The following NLGN4X variants were observed in gnomAD, a reference collection of about 807,000 sequenced individuals.
The protein encoded by NLGN4X is neuroligin-4, X-linked.
A neutral mutation model predicts 40.3 loss-of-function variants in NLGN4X; 3 were observed. That is an observed-to-expected ratio of 0.07 (90% CI 0.03 to 0.19). NLGN4X has a LOEUF of 0.19. Among genes scored for constraint, NLGN4X ranks in the 10% least tolerant of loss-of-function variants. The pLI is 1.00. For synonymous variants in NLGN4X, 270 were observed against 306.8 expected, an observed-to-expected ratio of 0.88 and a Z score of 1.25; for missense variants, 382 against 708.3, an observed-to-expected ratio of 0.54 and a Z score of 5.23.
intron 3 of NLGN4X, among the ~76,000 whole-genome samples, chrX:5,914,618 G>GTATA (rs10616173): frequency 9.8e-6 from 1 of 102,478 alleles, no homozygotes; most frequent in Admixed American, 1.1e-4. Context: ...ATATATGTAT[G>GTATA]TATATATATA....
At chrX:5,968,733 A>G (rs763832754) in intron 3 of NLGN4X, among the ~76,000 whole-genome samples, 9 of 108,038 alleles carry the variant, frequency 8.3e-5, no homozygotes, top group African/African-American at 3.0e-4. Context: ...TTGACTTAAC[A>G]GAATTGCCCC....
intron 2 of NLGN4X, among the ~76,000 whole-genome samples, chrX:6,104,888 C>T (rs1385757669): frequency 3.6e-5 from 4 of 110,659 alleles, no homozygotes; most frequent in Non-Finnish European, 5.7e-5. Flanking sequence ...CAAGTTGAAC[C>T]AAACAGATCC....
At position 5,962,692 on chromosome X, in the gene NLGN4X, T is replaced by C. The variant is rs971858782; in HGVS notation, c.626-53453A>G. Among the ~76,000 whole-genome samples, 17 of 111,569 alleles carry C rather than the reference T, an allele frequency of 1.5e-4. No individual in the cohort carries two copies. In the Admixed American group the frequency reaches 1.6e-3, roughly 11 times the overall value. On this transcript the variant is annotated intron_variant, in intron 3 of 5. Coordinates refer to ENST00000381095, the MANE Select transcript of NLGN4X (RefSeq NM_181332.3). ...TCCCCCAGGAGATGGTATTAGGAGGTGGCATCTTTAAGAGGTTGTTAGATC... is the reference window on the plus strand; with the variant it reads ...TCCCCCAGGAGATGGTATTAGGAGGCGGCATCTTTAAGAGGTTGTTAGATC...
At chrX:6,037,209 G>C (rs1481830370) in intron 2 of NLGN4X, among the ~76,000 whole-genome samples, 1 of 109,852 alleles carries the variant, frequency 9.1e-6, no homozygotes, top group African/African-American at 3.3e-5. Context: ...GGGAGACTGA[G>C]GTGGCAGGAT....
intron 3 of NLGN4X, among the ~76,000 whole-genome samples, chrX:5,952,684 T>C (rs1339215187): frequency 9.0e-6 from 1 of 111,292 alleles, no homozygotes; most frequent in Non-Finnish European, 1.9e-5. Context: ...TTTTAAGGAA[T>C]TGGCTCATGC....
intron 1 of NLGN4X, among the ~76,000 whole-genome samples, chrX:6,173,597 G>A (rs1569280794): frequency 1.8e-5 from 2 of 112,522 alleles, no homozygotes; most frequent in African/African-American, 3.2e-5. Flanking sequence ...AAGGAATGCT[G>A]CTCAGAGAGG....
At chrX:6,162,776 G>A (rs2040425421) in intron 1 of NLGN4X, among the ~76,000 whole-genome samples, 1 of 111,723 alleles carries the variant, frequency 9.0e-6, no homozygotes, top group African/African-American at 3.3e-5. Flanking sequence ...TGTAACTCAA[G>A]GATATTATTG....
chrX:6,078,804 T>G (rs942350962), intron 2 of NLGN4X, among the ~76,000 whole-genome samples: 1 of 111,779 alleles, frequency 8.9e-6, no homozygotes, highest in Non-Finnish European at 1.9e-5. Context: ...GCTCTGTGTC[T>G]CCACCCAAAT....
chrX:6,122,134 G>T (rs1377967471), intron 2 of NLGN4X, among the ~76,000 whole-genome samples: 1 of 112,298 alleles, frequency 8.9e-6, no homozygotes, highest in Non-Finnish European at 1.9e-5. Context: ...AAAGTTCTTG[G>T]TTTAGAAATT....
chrX:6,195,136 G>A (rs1002317609), intron 1 of NLGN4X, among the ~76,000 whole-genome samples: 2 of 112,034 alleles, frequency 1.8e-5, no homozygotes, highest in Non-Finnish European at 3.8e-5. Flanking sequence ...CTGTTTGTCC[G>A]AATAATAAGT....
intron 2 of NLGN4X, among the ~76,000 whole-genome samples, chrX:6,060,216 C>G (rs1044539864): frequency 4.5e-5 from 5 of 112,035 alleles, no homozygotes; most frequent in Non-Finnish European, 9.4e-5. Context: ...TACAAGCCCT[C>G]TGAATCTTGT....
In NLGN4X at chrX:5,903,230, C is replaced by T. The variant is rs1279736218; in HGVS notation, c.1448G>A (p.Ser483Asn). 1 of 1,212,045 alleles carries T rather than the reference C, an allele frequency of 8.3e-7. No individual in the cohort carries two copies. The highest frequency in any genetic ancestry group is 1.7e-5 in the African/African-American group (1 of 57,838). Residue 483 changes from serine (S) to asparagine (N), a missense_variant, in exon 5 of 6, where the codon AGC becomes AAC. By Grantham distance (46) the Ser-to-Asn change is conservative. This residue lies in a region of NLGN4X where 149 missense variants were observed against 375.8 expected (regional missense o/e 0.40). Coordinates refer to ENST00000381095, the MANE Select transcript of NLGN4X (RefSeq NM_181332.3). ...YHHCQSEMKP[S>N]WADSAHGDEV... ...ATCACCATGGGCCGAATCTGCCCAG[C>T]TGGGCTTCATTTCGCTTTGGCAGTG...
At chrX:6,137,307 A>G (rs73184638) in intron 2 of NLGN4X, among the ~76,000 whole-genome samples, 1,893 of 111,729 alleles carry the variant, frequency 0.017, 18 homozygotes, top group Middle Eastern at 0.042. Context: ...AACACCAATT[A>G]TATTGGGTTT....
intron 2 of NLGN4X, among the ~76,000 whole-genome samples, chrX:6,149,212 T>C (rs1280451145): frequency 1.8e-5 from 2 of 112,100 alleles, no homozygotes; most frequent in African/African-American, 3.2e-5. Context: ...CAATTGTACA[T>C]ACAGGGCTCT....
chrX:6,129,528 T>C (rs1267819728), intron 2 of NLGN4X, among the ~76,000 whole-genome samples: 1 of 112,202 alleles, frequency 8.9e-6, no homozygotes, highest in Non-Finnish European at 1.9e-5. Context: ...AAAAGACTAA[T>C]AGGTATCCAA....
chrX:6,072,561 C>T (rs2038093664), intron 2 of NLGN4X, among the ~76,000 whole-genome samples: 1 of 111,445 alleles, frequency 9.0e-6, no homozygotes, highest in Admixed American at 9.6e-5. Flanking sequence ...ACTGTACATG[C>T]AAAAATTATA....
intron 2 of NLGN4X, among the ~76,000 whole-genome samples, chrX:6,101,779 T>C (rs771080772): frequency 9.2e-6 from 1 of 108,847 alleles, no homozygotes; most frequent in Non-Finnish European, 1.9e-5. Flanking sequence ...AGGGTGACTA[T>C]AGTCAATACT....
At position 6,163,936 on chromosome X, in the gene NLGN4X, G is replaced by A. The variant is rs1218886211; in HGVS notation, c.-305-12165C>T. Among the ~76,000 whole-genome samples the A allele has an allele frequency of 4.4e-5, 5 of 112,939 alleles. No homozygotes were observed. In the East Asian group the frequency reaches 1.1e-3, roughly 25 times the overall value. On this transcript the variant is annotated intron_variant, in intron 1 of 5. Coordinates refer to ENST00000381095, the MANE Select transcript of NLGN4X (RefSeq NM_181332.3). ...GAAGAAAAGAGACACAAGGAAACCA[G>A]AAGGAACCAGGACACAGAAGACAGA...
intron 2 of NLGN4X, among the ~76,000 whole-genome samples, chrX:6,095,257 A>G (rs2038744016): frequency 9.0e-6 from 1 of 110,582 alleles, no homozygotes; most frequent in African/African-American, 3.3e-5. Flanking sequence ...ACTCTGAAGC[A>G]TATATGCAAT....
Sources: allele counts gnomAD v4.1 joint callset (sites outside exome capture counted in the v4.1 genomes callset), GRCh38; gene constraint gnomAD v4.1.1; regional missense constraint gnomAD v4.1.1; transcripts MANE v1.5; gene names NCBI Gene and HGNC (gene_info 2026-07-23, HGNC 2026-07-21).